Variants in CPB2 observed in about 807,000 individuals in gnomAD.
CPB2 encodes carboxypeptidase B2, also known as carboxypeptidase B-like protein.
CPB2 carries 54 observed loss-of-function variants against 57.0 expected under a neutral mutation model. That is an observed-to-expected ratio of 0.95 (90% CI 0.76 to 1.19). The LOEUF is 1.19. Ranked by LOEUF, CPB2 falls within the 50% of genes most tolerant of loss-of-function variation. CPB2 has a pLI of 0.00. For synonymous variants in CPB2, 189 were observed against 178.1 expected (o/e 1.06, Z -0.49); for missense variants, 426 against 512.0 (o/e 0.83, Z 1.62).
At chr13:46,059,317 G>A (rs1023795057) in intron 8 of CPB2, among the ~76,000 whole-genome samples, 15 of 152,032 alleles carry the variant, frequency 9.9e-5, no homozygotes, top group African/African-American at 3.6e-4. Context: ...ATTCTTGGTG[G>A]TAACCACTCT....
chr13:46,066,600 G>A (rs981988694), intron 7 of CPB2, among the ~76,000 whole-genome samples: 11 of 152,042 alleles, frequency 7.2e-5, no homozygotes, highest in South Asian at 2.1e-4. Flanking sequence ...ATCTCAGCAC[G>A]TTGGGAGGCC....
At position 46,084,217 on chromosome 13, in the gene CPB2, A is replaced by T; in HGVS notation, c.275+2T>A. 6.2e-7 allele frequency: 1 copy of T among 1,614,182 alleles called. No individual in the cohort carries two copies. Among genetic ancestry groups the T allele is most frequent in the Non-Finnish European group, 8.5e-7 (1 of 1,180,016 alleles). ...ACTCAATACGTATTGAACGGTGCCT[A>T]CCTGCATGGAATTCCGCTCACATTT... is the stretch of plus-strand genomic sequence containing the variant. On this transcript the variant is annotated splice_donor_variant, in intron 3 of 10. Transcript: ENST00000181383. LOFTEE classifies it high-confidence loss of function.
rs906559312 is a variant in CPB2 at position 46,085,389 on chromosome 13, G to A, written c.151-1046C>T. On this transcript the variant is annotated intron_variant, in intron 2 of 10. Transcript: ENST00000181383. ...GTGAATATGCACCATTTAGCTCTTC[G>A]GTTGAGAGAAATACAGTTGGCTGGT... Among the ~76,000 whole-genome samples the A allele has an allele frequency of 9.2e-5, 14 of 152,182 alleles. No homozygotes were observed. The South Asian group carries it at 2.9e-3, about 32-fold the overall frequency.
At chr13:46,068,583 T>G (rs1376450289) in intron 6 of CPB2, among the ~76,000 whole-genome samples, 1 of 152,218 alleles carries the variant, frequency 6.6e-6, no homozygotes, top group Non-Finnish European at 1.5e-5. Flanking sequence ...GGGATACATG[T>G]GCAGAACATG....
intron 4 of CPB2, among the ~76,000 whole-genome samples, chr13:46,079,534 G>C (rs1330053362): frequency 1.7e-3 from 15 of 8,608 alleles, no homozygotes; most frequent in Admixed American, 1.0e-2. Context: ...GAAGGAAAAA[G>C]CAAAAAAAAA....
chr13:46,086,335 G>A (rs998381278), intron 2 of CPB2, among the ~76,000 whole-genome samples: 1 of 152,166 alleles, frequency 6.6e-6, no homozygotes, highest in African/African-American at 2.4e-5. Flanking sequence ...GTGGACAAGC[G>A]GAGGGTGAGC....
intron 5 of CPB2, among the ~76,000 whole-genome samples, chr13:46,075,076 G>C (rs1242676471): frequency 6.6e-6 from 1 of 152,136 alleles, no homozygotes; most frequent in East Asian, 1.9e-4. Context: ...GAAGACTGTT[G>C]TAAAATCAAA....
rs750069599 is a variant in CPB2, at chr13:46,078,455, CTG to C, written c.486+343_486+344del. Among the ~76,000 whole-genome samples, 52 of 151,990 alleles carry C rather than the reference CTG, an allele frequency of 3.4e-4. 1 individual carries two copies. Among genetic ancestry groups the C allele is most frequent in the Non-Finnish European group, 1.5e-4 (10 of 67,998 alleles). On this transcript the variant is annotated intron_variant, in intron 5 of 10. Transcript: ENST00000181383. ...AACAGAAACAGAGTTAATTCTAGAACTGGGATTCATCTAGAATTGAAGCCTTA... is the reference window on the plus strand; with the variant it reads ...AACAGAAACAGAGTTAATTCTAGAACGGATTCATCTAGAATTGAAGCCTTA...
intron 1 of CPB2, chr13:46,100,838 A>G (rs1469847807): frequency 6.6e-6 from 1 of 152,228 alleles, no homozygotes; most frequent in Non-Finnish European, 1.5e-5. Flanking sequence ...TGGAGTCGCA[A>G]GTGAAAACCT....
chr13:46,067,978 CCT>C (rs572223075), intron 6 of CPB2, among the ~76,000 whole-genome samples: 76 of 152,168 alleles, frequency 5.0e-4, no homozygotes, highest in Non-Finnish European at 1.0e-3. Flanking sequence ...CAAACTTGTT[CCT>C]CTCTACTTTA....
intron 2 of CPB2, among the ~76,000 whole-genome samples, chr13:46,084,924 C>G (rs1025264476): frequency 6.6e-6 from 1 of 151,548 alleles, no homozygotes; most frequent in Non-Finnish European, 1.5e-5. Context: ...GATCTTGGCT[C>G]ACTGCAAGCT....
chr13:46,084,226 G>A lies in CPB2; in HGVS notation c.268C>T (p.Pro90Ser), dbSNP rs1269800448. 51 of 1,613,974 alleles carry A rather than the reference G, an allele frequency of 3.2e-5. No homozygotes were observed. Among genetic ancestry groups the A allele is most frequent in the Non-Finnish European group, 4.2e-5 (50 of 1,179,988 alleles). ...VKAHLNVSGI[P>S]CSVLLADVED... The stretch of plus-strand genomic sequence containing the variant: ...GTATTGAACGGTGCCTACCTGCATG[G>A]AATTCCGCTCACATTTAAATGGGCT... The change falls in exon 3 of 11, where the codon CCA (proline) becomes TCA (serine). Residue 90 changes from proline to serine, a missense_variant. Pro to Ser is a moderately conservative substitution (Grantham distance 74). Transcript: ENST00000181383.
intron 4 of CPB2, among the ~76,000 whole-genome samples, chr13:46,082,047 C>A (rs2045126491): frequency 6.6e-6 from 1 of 152,002 alleles, no homozygotes; most frequent in Admixed American, 6.5e-5. Flanking sequence ...GAATATATTC[C>A]TTTAATTCAG....
At chr13:46,057,539 A>G (rs1180756193) in intron 9 of CPB2, among the ~76,000 whole-genome samples, 2 of 152,166 alleles carry the variant, frequency 1.3e-5, no homozygotes, top group Admixed American at 6.5e-5. Context: ...CCTAGCTACA[A>G]TCCTTCAAGA....
intron 6 of CPB2, among the ~76,000 whole-genome samples, chr13:46,071,983 G>A (rs996729404): frequency 9.9e-5 from 15 of 152,212 alleles, no homozygotes; most frequent in African/African-American, 2.4e-5. Flanking sequence ...GGCAAGTTGT[G>A]ATGGTTAACA....
Position 46,084,224 on chromosome 13 carries a change from T to C in CPB2, c.270A>G (p.Pro90=). 1 of 1,614,176 alleles carries C rather than the reference T, an allele frequency of 6.2e-7. No homozygotes were observed. Among genetic ancestry groups the C allele is most frequent in the African/African-American group, 1.3e-5 (1 of 75,066 alleles). The change falls in exon 3 of 11, where the codon CCA becomes CCG. Residue 90 remains proline, a synonymous_variant. Coordinates refer to ENST00000181383, the MANE Select transcript of CPB2 (RefSeq NM_001872.5). ...ACGTATTGAACGGTGCCTACCTGCATGGAATTCCGCTCACATTTAAATGGG... is the reference window on the plus strand; with the variant it reads ...ACGTATTGAACGGTGCCTACCTGCACGGAATTCCGCTCACATTTAAATGGG... ...VKAHLNVSGI[P]CSVLLADVED...
intron 6 of CPB2, chr13:46,073,317 G>A (rs560062727): frequency 3.5e-4 from 61 of 175,014 alleles, no homozygotes; most frequent in African/African-American, 1.4e-3. Context: ...CATCAGGGAG[G>A]TTAATAGTCG....
At chr13:46,090,409 C>A (rs1296837665) in intron 1 of CPB2, among the ~76,000 whole-genome samples, 2 of 145,322 alleles carry the variant, frequency 1.4e-5, no homozygotes, top group Middle Eastern at 3.6e-3. Context: ...GTCACCCAGG[C>A]AGGAGTGCAA....
intron 1 of CPB2, among the ~76,000 whole-genome samples, chr13:46,090,891 A>G (rs1377024064): frequency 6.7e-6 from 1 of 149,744 alleles, no homozygotes; most frequent in African/African-American, 2.5e-5. Flanking sequence ...CACCTGGCTA[A>G]TTTTTTGTAT....
Sources: gnomAD v4.1 joint callset for allele counts (sites outside exome capture counted in the v4.1 genomes callset) on GRCh38, gnomAD v4.1.1 for gene constraint, MANE v1.5 for transcripts, NCBI Gene and HGNC (gene_info 2026-07-23, HGNC 2026-07-21) for gene names.